Variants in GAB1 observed in about 807,000 individuals in gnomAD.
GAB1 encodes the protein GRB2 associated binding protein 1, also known as GRB2-associated-binding protein 1.
Under a neutral mutation model 66.5 loss-of-function variants are expected in GAB1, and 19 were observed. The observed-to-expected ratio is 0.29, with a 90% CI of 0.20 to 0.42. The LOEUF is 0.42. Ranked by LOEUF, GAB1 falls within the 10% of genes least tolerant of loss-of-function variation. GAB1 has a pLI of 1.00. For synonymous variants in GAB1, 294 were observed against 301.4 expected, an observed-to-expected ratio of 0.98 and a Z score of 0.25; for missense variants, 732 against 858.5, an observed-to-expected ratio of 0.85 and a Z score of 1.84.
At chr4:143,422,774 A>G (rs535319728) in intron 2 of GAB1, among the ~76,000 whole-genome samples, 2 of 152,354 alleles carry the variant, frequency 1.3e-5, no homozygotes, top group African/African-American at 4.8e-5. Flanking sequence ...GGCTTTCCCT[A>G]GCAGTACTTA....
intron 2 of GAB1, among the ~76,000 whole-genome samples, chr4:143,423,638 G>T (rs529076644): frequency 2.7e-5 from 4 of 150,808 alleles, no homozygotes; most frequent in Non-Finnish European, 5.9e-5. Context: ...TTAGCCAGGC[G>T]TGGTGGCAGG....
chr4:143,405,110 G>A (rs754951640), intron 1 of GAB1, among the ~76,000 whole-genome samples: 1 of 152,056 alleles, frequency 6.6e-6, no homozygotes, highest in Non-Finnish European at 1.5e-5. Flanking sequence ...AATGGACATT[G>A]ACATTATACT....
At chr4:143,456,710 G>A (rs1269925747) in intron 6 of GAB1, among the ~76,000 whole-genome samples, 1 of 152,116 alleles carries the variant, frequency 6.6e-6, no homozygotes, top group Non-Finnish European at 1.5e-5. Flanking sequence ...GATAGGTAAG[G>A]TGCTAGATAT....
At chr4:143,344,379 A>G (rs1728924610) in intron 1 of GAB1, among the ~76,000 whole-genome samples, 1 of 152,166 alleles carries the variant, frequency 6.6e-6, no homozygotes, top group African/African-American at 2.4e-5. Context: ...ATTTCCACCA[A>G]GTTAGAGCTC....
chr4:143,409,755 G>A (rs1353077826), intron 1 of GAB1, among the ~76,000 whole-genome samples: 1 of 152,074 alleles, frequency 6.6e-6, no homozygotes, highest in Non-Finnish European at 1.5e-5. Context: ...ATTTGCTAGT[G>A]GTAAATATTG....
chr4:143,448,608 GT>G (rs1734708036), intron 6 of GAB1, among the ~76,000 whole-genome samples: 1 of 151,674 alleles, frequency 6.6e-6, no homozygotes, highest in Non-Finnish European at 1.5e-5. Flanking sequence ...TCTGATGGTA[GT>G]TTGTATTTCT....
chr4:143,388,664 C>T (rs1731033213), intron 1 of GAB1, among the ~76,000 whole-genome samples: 1 of 152,194 alleles, frequency 6.6e-6, no homozygotes, highest in Admixed American at 6.5e-5. Context: ...ATCCGCCCAC[C>T]TCCACCTCCC....
At chr4:143,416,759 G>A (rs993652803) in intron 2 of GAB1, among the ~76,000 whole-genome samples, 1 of 152,204 alleles carries the variant, frequency 6.6e-6, no homozygotes, top group Non-Finnish European at 1.5e-5. Context: ...GGGCGACAGA[G>A]CAAGATGCCG....
chr4:143,426,629 A>G (rs1010472938), intron 2 of GAB1, among the ~76,000 whole-genome samples: 5 of 152,218 alleles, frequency 3.3e-5, no homozygotes, highest in Admixed American at 2.0e-4. Flanking sequence ...AGCATCTGCA[A>G]TGTGTAATGC....
At chr4:143,350,061 C>T in intron 1 of GAB1, 2 of 1,516,420 alleles carry the variant, frequency 1.3e-6, no homozygotes, top group Non-Finnish European at 1.8e-6. Flanking sequence ...CGCGGTTCCC[C>T]ATCCCAGGGC....
At chr4:143,374,859 G>T (rs1730342979) in intron 1 of GAB1, among the ~76,000 whole-genome samples, 1 of 152,158 alleles carries the variant, frequency 6.6e-6, no homozygotes, top group African/African-American at 2.4e-5. Context: ...TTTGACATCT[G>T]GCCTTCCTTA....
At position 143,336,995 on chromosome 4, in the gene GAB1, G is replaced by A. The variant is rs923298073; in HGVS notation, c.-194G>A. 1 of 567,900 alleles carries A rather than the reference G, an allele frequency of 1.8e-6. No individual in the cohort carries two copies. Among genetic ancestry groups the A allele is most frequent in the African/African-American group, 2.0e-5 (1 of 49,886 alleles). 35.2% of individuals were successfully genotyped at this position (567,900 alleles called of 1,614,324 possible). ...CGGCCCCGGCTCGCGTTCTGTTCAG[G>A]TTCGTGGGCCTGCAGAGGAGAGACT... On this transcript the variant is annotated 5_prime_UTR_variant, in exon 1 of 10. Coordinates refer to ENST00000262994, the MANE Select transcript of GAB1 (RefSeq NM_002039.4).
intron 1 of GAB1, among the ~76,000 whole-genome samples, chr4:143,370,884 T>G (rs55894236): frequency 4.6e-5 from 7 of 152,010 alleles, no homozygotes; most frequent in African/African-American, 1.7e-4. Context: ...GAACTCATCC[T>G]TTTTTATGGC....
At chr4:143,413,160 A>G (rs1732485548) in intron 1 of GAB1, among the ~76,000 whole-genome samples, 1 of 152,216 alleles carries the variant, frequency 6.6e-6, no homozygotes, top group Admixed American at 6.5e-5. Context: ...TTACTGAATG[A>G]TATGATTTCT....
In GAB1 at chr4:143,346,075, CTG is replaced by C. The variant is rs529379951; in HGVS notation, c.72+8818_72+8819del. Among the ~76,000 whole-genome samples, 505 of 152,306 alleles carry C rather than the reference CTG, an allele frequency of 3.3e-3. 1 individual carries two copies. The highest frequency in any genetic ancestry group is 6.2e-3 in the Non-Finnish European group (424 of 68,024). On this transcript the variant is annotated intron_variant, in intron 1 of 9. Transcript: ENST00000262994. ...TAAATGAGAGGAAGGTAAAAGCACTCTGTGCCATAGTTCCCTACTCTCTCTTT... is the reference window on the plus strand; with the variant it reads ...TAAATGAGAGGAAGGTAAAAGCACTCTGCCATAGTTCCCTACTCTCTCTTT...
chr4:143,375,742 C>T (rs1185128076), intron 1 of GAB1, among the ~76,000 whole-genome samples: 1 of 152,208 alleles, frequency 6.6e-6, no homozygotes, highest in East Asian at 1.9e-4. Context: ...TGGGACTTCT[C>T]AACCTCTGCA....
rs1348258589 is a variant in GAB1, at chr4:143,377,386, C to A, written c.73-38091C>A. Among the ~76,000 whole-genome samples, 4 of 152,154 alleles carry A rather than the reference C, an allele frequency of 2.6e-5. No homozygotes were observed. The Middle Eastern group carries it at 0.01, about 388-fold the overall frequency. ...GTTTCTTGTATCTTAAACTTGACAC[C>A]TTGATTCTCATTGAAAAAACTTTCA... On this transcript the variant is annotated intron_variant, in intron 1 of 9. Transcript: ENST00000262994.
chr4:143,343,293 T>C (rs1016118865), intron 1 of GAB1, among the ~76,000 whole-genome samples: 2 of 152,216 alleles, frequency 1.3e-5, no homozygotes, highest in Non-Finnish European at 2.9e-5. Flanking sequence ...GACATAAATC[T>C]TCCTTGTGGG....
At chr4:143,403,502 A>C (rs141977963) in intron 1 of GAB1, among the ~76,000 whole-genome samples, 1 of 152,362 alleles carries the variant, frequency 6.6e-6, no homozygotes, top group African/African-American at 2.4e-5. Flanking sequence ...GAAAACAAAA[A>C]GAAATAAATA....
Sources: gnomAD v4.1 joint callset for allele counts (sites outside exome capture counted in the v4.1 genomes callset) on GRCh38, gnomAD v4.1.1 for gene constraint, MANE v1.5 for transcripts, NCBI Gene and HGNC (gene_info 2026-07-23, HGNC 2026-07-21) for gene names.